Variants in CCDC85A observed in about 807,000 individuals in gnomAD.
CCDC85A encodes the protein coiled-coil domain-containing protein 85A.
A neutral mutation model predicts 50.2 loss-of-function variants in CCDC85A; 38 were observed. That is an observed-to-expected ratio of 0.76 (90% CI 0.58 to 0.99). CCDC85A has a LOEUF of 0.99. Ranked by LOEUF, CCDC85A falls within the 50% of genes least tolerant of loss-of-function variation. CCDC85A has a pLI of 0.00. For synonymous variants in CCDC85A, 366 were observed against 301.4 expected (o/e 1.21, Z -2.22); for missense variants, 820 against 742.0 (o/e 1.11, Z -1.22).
chr2:56,189,873 A>G (rs1350455314), intron 1 of CCDC85A, among the ~76,000 whole-genome samples: 2 of 152,294 alleles, frequency 1.3e-5, no homozygotes, highest in South Asian at 2.1e-4. Flanking sequence ...GTGCAAACAA[A>G]GGCAGGGAGG....
At chr2:56,380,595 G>A (rs1676538974) in intron 5 of CCDC85A, among the ~76,000 whole-genome samples, 1 of 150,330 alleles carries the variant, frequency 6.7e-6, no homozygotes, top group Non-Finnish European at 1.5e-5. Flanking sequence ...TAGACAAATA[G>A]AAATCTATTC....
chr2:56,363,262 C>A (rs1573344771), intron 3 of CCDC85A, among the ~76,000 whole-genome samples: 1 of 152,264 alleles, frequency 6.6e-6, no homozygotes, highest in East Asian at 1.9e-4. Context: ...TGGTGGATTT[C>A]ATTTTTCCCT....
intron 2 of CCDC85A, among the ~76,000 whole-genome samples, chr2:56,273,247 C>A (rs1294052331): frequency 6.6e-6 from 1 of 151,936 alleles, no homozygotes; most frequent in South Asian, 2.1e-4. Flanking sequence ...TAGAAAGAGG[C>A]CACAAGGATG....
intron 2 of CCDC85A, among the ~76,000 whole-genome samples, chr2:56,320,632 A>G (rs1474938719): frequency 1.3e-5 from 2 of 152,162 alleles, no homozygotes; most frequent in Non-Finnish European, 2.9e-5. Context: ...AGGCTCTGAA[A>G]TTGAGGCAAT....
chr2:56,379,427 A>G (rs563701662), intron 5 of CCDC85A, among the ~76,000 whole-genome samples: 2 of 152,310 alleles, frequency 1.3e-5, no homozygotes, highest in South Asian at 2.1e-4. Flanking sequence ...GTTATTGACT[A>G]TATCCAAATT....
chr2:56,293,945 C>T (rs1227630675), intron 2 of CCDC85A, among the ~76,000 whole-genome samples: 11 of 152,114 alleles, frequency 7.2e-5, no homozygotes. Context: ...CCCAGCAATC[C>T]CATTACTGGG....
At chr2:56,383,748 A>G (rs181460060) in intron 5 of CCDC85A, 4 of 985,080 alleles carry the variant, frequency 4.1e-6, no homozygotes, top group East Asian at 1.1e-4. Context: ...GCTCAATAAC[A>G]AAAGCTCCTT....
At chr2:56,239,254 T>C (rs1669152897) in intron 2 of CCDC85A, among the ~76,000 whole-genome samples, 1 of 152,074 alleles carries the variant, frequency 6.6e-6, no homozygotes, top group Admixed American at 6.6e-5. Context: ...AAATGTCCTA[T>C]GCTCAAGGTA....
chr2:56,342,681 C>T (rs558797021), intron 2 of CCDC85A, among the ~76,000 whole-genome samples, 198 bp from the exon 3 acceptor site: 37 of 152,242 alleles, frequency 2.4e-4, no homozygotes, highest in Non-Finnish European at 3.7e-4. Flanking sequence ...TATTTCTTAA[C>T]GTTGTAAAAT....
At chr2:56,254,810 A>G (rs1669912486) in intron 2 of CCDC85A, among the ~76,000 whole-genome samples, 4 of 152,218 alleles carry the variant, frequency 2.6e-5, no homozygotes, top group Admixed American at 2.6e-4. Context: ...TGAAAGAAGA[A>G]TAGTATCACT....
intron 2 of CCDC85A, among the ~76,000 whole-genome samples, chr2:56,290,247 T>C (rs987783375): frequency 6.6e-6 from 1 of 152,230 alleles, no homozygotes; most frequent in African/African-American, 2.4e-5. Context: ...ATTAACTATA[T>C]AATCCATGTA....
intron 2 of CCDC85A, among the ~76,000 whole-genome samples, chr2:56,261,443 A>G (rs563657702): frequency 6.6e-6 from 1 of 152,346 alleles, no homozygotes; most frequent in Non-Finnish European, 1.5e-5. Flanking sequence ...TCATATGCTA[A>G]GATTGTTCTC....
intron 2 of CCDC85A, among the ~76,000 whole-genome samples, chr2:56,232,125 A>G (rs1668800081): frequency 6.6e-6 from 1 of 152,040 alleles, no homozygotes; most frequent in South Asian, 2.1e-4. Flanking sequence ...TTTAAATTCT[A>G]ACTTAATACA....
At chr2:56,309,120 G>A (rs1442218338) in intron 2 of CCDC85A, among the ~76,000 whole-genome samples, 1 of 152,112 alleles carries the variant, frequency 6.6e-6, no homozygotes, top group African/African-American at 2.4e-5. Context: ...GGGAACATGG[G>A]CATTATTTCT....
intron 2 of CCDC85A, among the ~76,000 whole-genome samples, chr2:56,227,140 A>T (rs920898716): frequency 7.9e-5 from 12 of 152,152 alleles, no homozygotes; most frequent in Non-Finnish European, 2.9e-5. Flanking sequence ...CCGAGAACCA[A>T]TGGCTTGTTG....
chr2:56,327,022 T>G (rs1673505288), intron 2 of CCDC85A, among the ~76,000 whole-genome samples: 1 of 152,142 alleles, frequency 6.6e-6, no homozygotes, highest in Admixed American at 6.6e-5. Flanking sequence ...ATGGATGTGC[T>G]TTATTCTTTT....
intron 2 of CCDC85A, among the ~76,000 whole-genome samples, chr2:56,332,044 G>C (rs9309277): frequency 0.21 from 31,324 of 152,114 alleles, 4,387 homozygotes; most frequent in African/African-American, 0.4. Context: ...CTCCTGCTCC[G>C]TCAGTACCCC....
chr2:56,233,199 G>C (rs1668848703), intron 2 of CCDC85A, among the ~76,000 whole-genome samples: 2 of 152,172 alleles, frequency 1.3e-5, no homozygotes, highest in African/African-American at 4.8e-5. Context: ...CTGATTGGTT[G>C]GTGCACATTG....
intron 2 of CCDC85A, among the ~76,000 whole-genome samples, chr2:56,313,428 A>T (rs372716285): frequency 5.3e-5 from 8 of 152,230 alleles, no homozygotes; most frequent in African/African-American, 1.9e-4. Context: ...AGGAGAACTG[A>T]TACCTTGATT....
Sources: allele counts gnomAD v4.1 joint callset (sites outside exome capture counted in the v4.1 genomes callset), GRCh38; gene constraint gnomAD v4.1.1; transcripts MANE v1.5; gene names NCBI Gene and HGNC (gene_info 2026-07-23, HGNC 2026-07-21).